The following NREP variants were observed in gnomAD, a reference collection of about 807,000 sequenced individuals.
NREP encodes the protein neuronal regeneration-related protein.
A neutral mutation model predicts 8.6 loss-of-function variants in NREP; 5 were observed. The observed-to-expected ratio is 0.58, with a 90% CI of 0.30 to 1.22. NREP has a LOEUF of 1.22. Ranked by LOEUF, NREP falls within the 50% of genes most tolerant of loss-of-function variation. The pLI, the probability that NREP is intolerant of heterozygous loss-of-function variation, is 0.07. For synonymous variants in NREP, 27 were observed against 28.0 expected (o/e 0.96, Z 0.11); for missense variants, 86 against 82.5 (o/e 1.04, Z -0.17).
rs571559722 is a variant in NREP at position 111,862,251 on chromosome 5, A to G, written c.135+113023T>C. ...TTATCCATGCACAAATCATGTACATACATTTCTCCAATAGTAGGTAGATTT... is the reference window on the plus strand; with the variant it reads ...TTATCCATGCACAAATCATGTACATGCATTTCTCCAATAGTAGGTAGATTT... On this transcript the variant is annotated intron_variant, in intron 2 of 3. Coordinates refer to the NREP transcript ENST00000395634. 3.3e-5 allele frequency among the ~76,000 whole-genome samples: 5 copies of G among 152,320 alleles called. No homozygotes were observed. The South Asian group carries it at 1.0e-3, about 32-fold the overall frequency.
intron 2 of NREP, among the ~76,000 whole-genome samples, chr5:111,934,810 TGGAGAACCTCCTG>T (rs1402416314): frequency 1.3e-5 from 2 of 152,054 alleles, no homozygotes; most frequent in Non-Finnish European, 2.9e-5. Context: ...CCTGGAAATA[TGGAGAACCTCCTG>T]GGAGAAGAGG....
intron 2 of NREP, among the ~76,000 whole-genome samples, chr5:111,754,850 G>T (rs890725785): frequency 1.2e-4 from 18 of 152,140 alleles, no homozygotes; most frequent in Non-Finnish European, 2.2e-4. Context: ...AAACATCAAA[G>T]ATATCAGATT....
intron 2 of NREP, among the ~76,000 whole-genome samples, chr5:111,966,568 G>T (rs1291097376): frequency 6.6e-6 from 1 of 152,002 alleles, no homozygotes; most frequent in Non-Finnish European, 1.5e-5. Context: ...CAAATATATA[G>T]ATTTGATAAG....
chr5:111,930,108 G>T (rs1755495144), intron 2 of NREP, among the ~76,000 whole-genome samples: 1 of 152,180 alleles, frequency 6.6e-6, no homozygotes, highest in South Asian at 2.1e-4. Context: ...CTCAGGAAAA[G>T]GGCGAGGCAA....
intron 2 of NREP, among the ~76,000 whole-genome samples, chr5:111,873,635 C>T (rs538677124): frequency 2.1e-4 from 32 of 152,304 alleles, no homozygotes; most frequent in East Asian, 1.2e-3. Context: ...TTCTCTCTGA[C>T]GCACTCTTCT....
At chr5:111,750,304 G>T (rs527396219) in intron 2 of NREP, among the ~76,000 whole-genome samples, 1 of 152,112 alleles carries the variant, frequency 6.6e-6, no homozygotes, top group African/African-American at 2.4e-5. Flanking sequence ...TATAAGGACT[G>T]GTCCTAAGTC....
At chr5:111,839,520 CA>C (rs1469543955) in intron 2 of NREP, among the ~76,000 whole-genome samples, 1 of 152,022 alleles carries the variant, frequency 6.6e-6, no homozygotes, top group Non-Finnish European at 1.5e-5. Context: ...ATGTTCTTAC[CA>C]AAATTCTCCT....
chr5:111,812,997 C>G (rs1407601691), intron 2 of NREP, among the ~76,000 whole-genome samples: 2 of 152,110 alleles, frequency 1.3e-5, no homozygotes, highest in African/African-American at 4.8e-5. Flanking sequence ...ACCAGCATAA[C>G]CCAAATGCCA....
chr5:111,964,033 G>A (rs1756557920), intron 2 of NREP, among the ~76,000 whole-genome samples: 1 of 152,140 alleles, frequency 6.6e-6, no homozygotes, highest in Admixed American at 6.5e-5. Context: ...TAAAGAATGA[G>A]AATATTGTTA....
intron 2 of NREP, among the ~76,000 whole-genome samples, chr5:111,802,473 T>C (rs1480957875): frequency 6.6e-6 from 1 of 152,068 alleles, no homozygotes; most frequent in Non-Finnish European, 1.5e-5. Flanking sequence ...GGAGAAACTG[T>C]TGAAATGAAA....
chr5:111,823,036 T>C (rs925548852), intron 2 of NREP, among the ~76,000 whole-genome samples: 4 of 152,234 alleles, frequency 2.6e-5, no homozygotes, highest in African/African-American at 4.8e-5. Flanking sequence ...AAGTTTGAGA[T>C]TGGGCATCTG....
chr5:111,796,689 G>A (rs535192473), intron 2 of NREP, among the ~76,000 whole-genome samples: 78 of 152,224 alleles, frequency 5.1e-4, no homozygotes, highest in Non-Finnish European at 9.3e-4. Flanking sequence ...ATGAGTAAGT[G>A]CTAATAGATA....
chr5:111,919,879 G>T (rs529436184), intron 2 of NREP, among the ~76,000 whole-genome samples: 1 of 142,874 alleles, frequency 7.0e-6, no homozygotes, highest in East Asian at 2.0e-4. Flanking sequence ...GAGAAAGAAA[G>T]AAAGAAAGAA....
At chr5:111,763,525 G>T (rs922595492) in intron 2 of NREP, among the ~76,000 whole-genome samples, 1 of 152,214 alleles carries the variant, frequency 6.6e-6, no homozygotes, top group African/African-American at 2.4e-5. Context: ...GAAGAACAAG[G>T]AGGTTGTTGC....
At chr5:111,735,379 T>A in intron 3 of NREP, 51 bp downstream of exon 3, 1 of 1,267,884 alleles carries the variant, frequency 7.9e-7, no homozygotes, top group Non-Finnish European at 1.1e-6. Context: ...TTTAAAACAA[T>A]TGTTTCTATA....
chr5:111,908,629 G>T (rs551471505), intron 2 of NREP, among the ~76,000 whole-genome samples: 1 of 151,790 alleles, frequency 6.6e-6, no homozygotes, highest in African/African-American at 2.4e-5. Context: ...TGGCTGCATA[G>T]TATTTCATGT....
intron 2 of NREP, among the ~76,000 whole-genome samples, chr5:111,937,223 CTG>C (rs1386666159): frequency 3.3e-5 from 5 of 152,068 alleles, no homozygotes; most frequent in Admixed American, 1.3e-4. Context: ...AAAGCAAAAA[CTG>C]GACTTTACTG....
chr5:111,884,903 G>A (rs1754197684), intron 2 of NREP, among the ~76,000 whole-genome samples: 1 of 152,198 alleles, frequency 6.6e-6, no homozygotes, highest in Admixed American at 6.5e-5. Context: ...CATTCCCTTT[G>A]AAAACTGGCA....
chr5:111,954,512 T>A (rs987880067), intron 2 of NREP, among the ~76,000 whole-genome samples: 5 of 152,158 alleles, frequency 3.3e-5, no homozygotes, highest in African/African-American at 1.2e-4. Context: ...TCCAAATAGA[T>A]GCATTTTGAT....
Sources: allele counts gnomAD v4.1 joint callset (sites outside exome capture counted in the v4.1 genomes callset), GRCh38; gene constraint gnomAD v4.1.1; transcripts MANE v1.5; gene names NCBI Gene and HGNC (gene_info 2026-07-23, HGNC 2026-07-21).